Variants in CEP131 observed in about 807,000 individuals in gnomAD.
CEP131 encodes the protein centrosomal protein 131, also known as centrosomal protein of 131 kDa.
In CEP131, 99 loss-of-function variants were observed where a neutral mutation model predicts 136.8. The ratio of observed to expected loss-of-function variants is 0.72; its 90% confidence interval spans 0.62 to 0.86. The LOEUF (loss-of-function observed/expected upper bound fraction) is 0.86. CEP131 is among the 40% of genes least tolerant of loss of function. CEP131 has a pLI of 0.00. For missense variants in CEP131, 1,459 were observed against 1,463.0 expected (o/e 1.00, Z 0.04); for synonymous variants, 646 against 612.7 (o/e 1.05, Z -0.80).
Position 81,207,218 on chromosome 17 carries a change from G to T in CEP131, c.294C>A (p.Phe98Leu). The T allele has an allele frequency of 6.2e-7, 1 of 1,613,544 alleles. No homozygotes were observed. The highest frequency in any genetic ancestry group is 1.1e-5 in the South Asian group (1 of 91,068). Reference protein sequence around the residue: ...GSPRPTEPTDFLMLFEGSPSG... With the variant: ...GSPRPTEPTDLLMLFEGSPSG... ...TGGGGCTGCCCTCGAAGAGCATCAG[G>T]AAGTCTGTGGGCTCCGTTGGCCTGC... is the stretch of plus-strand genomic sequence containing the variant. Residue 98 changes from phenylalanine (F) to leucine (L), a missense_variant, in exon 4 of 26, where the codon TTC (phenylalanine) becomes TTA (leucine). This residue lies in a region of CEP131 where 187 missense variants were observed against 179.9 expected (regional missense o/e 1.04). Coordinates refer to ENST00000450824, the MANE Select transcript of CEP131 (RefSeq NM_014984.4).
At chr17:81,213,832 TG>T (rs1199131685) in intron 2 of CEP131, among the ~76,000 whole-genome samples, 2 of 152,118 alleles carry the variant, frequency 1.3e-5, no homozygotes. Flanking sequence ...CCAGACAGGA[TG>T]GGGTGAGAAG....
intron 21 of CEP131, 81 bp from the exon 22 acceptor site, chr17:81,191,416 G>C: frequency 1.5e-6 from 2 of 1,363,942 alleles, no homozygotes; most frequent in Non-Finnish European, 2.1e-6. Context: ...GGTCCTGGGG[G>C]GCTCCAGGCT....
Position 81,195,846 on chromosome 17 carries a change from G to T in CEP131, c.2005C>A (p.Gln669Lys). The change falls in exon 16 of 26, where the codon CAG (glutamine) becomes AAG (lysine). Residue 669 changes from glutamine to lysine, a missense_variant. By Grantham distance (53) the Gln-to-Lys change is moderately conservative (BLOSUM62 1). Transcript: ENST00000450824. The part of the protein sequence containing the change: ...CTERVAQAQA[Q>K]HELEIKKLKE... Reference sequence around the variant, plus strand: ...GAGCAAAGCCTCACCAGCTCGTGCTGCGCCTGTGCCTGGGCCACACGCTCG... The same window carrying T: ...GAGCAAAGCCTCACCAGCTCGTGCTTCGCCTGTGCCTGGGCCACACGCTCG... The T allele has an allele frequency of 6.2e-7, 1 of 1,604,688 alleles. No individual in the cohort carries two copies.
rs1335676904 is a variant in CEP131 at position 81,199,798 on chromosome 17, T to A, written c.944A>T (p.Asp315Val). ...GGCTGCCTCTTTCTGCTGGTGCAGGTCCAAGAGGGTCCCCTCGCCTGACCG... is the reference window on the plus strand; with the variant it reads ...GGCTGCCTCTTTCTGCTGGTGCAGGACCAAGAGGGTCCCCTCGCCTGACCG... Reference protein sequence around the residue: ...RQRSGEGTLLDLHQQKEAARR... With the variant: ...RQRSGEGTLLVLHQQKEAARR... The change falls in exon 9 of 26, where the codon GAC (aspartate) becomes GTC (valine). Residue 315 changes from aspartate to valine, a missense_variant. Transcript: ENST00000450824. 6.2e-7 allele frequency: 1 copy of A among 1,611,614 alleles called. No homozygotes were observed.
At position 81,206,736 on chromosome 17, in the gene CEP131, G is replaced by T. The variant is rs769042315; in HGVS notation, c.515+8C>A. On this transcript the variant is annotated splice_region_variant and intron_variant, in intron 5 of 25. Transcript: ENST00000450824. ...GGTGCCCGTCGTGGGCACCTGCACAGGTCGTACCTGTTGTTAGCAGTGAAG... is the reference window on the plus strand; with the variant it reads ...GGTGCCCGTCGTGGGCACCTGCACATGTCGTACCTGTTGTTAGCAGTGAAG... The T allele has an allele frequency of 1.9e-6, 3 of 1,611,352 alleles. No homozygotes were observed. Among genetic ancestry groups the T allele is most frequent in the Non-Finnish European group, 1.7e-6 (2 of 1,178,568 alleles).
In CEP131 at chr17:81,203,640, G is replaced by C. The variant is rs374005727; in HGVS notation, c.516-33C>G. 1.3e-6 allele frequency: 2 copies of C among 1,521,298 alleles called. No homozygotes were observed. The highest frequency in any genetic ancestry group is 2.7e-5 in the African/African-American group (2 of 73,028). 94.2% of individuals were successfully genotyped at this position (1,521,298 alleles called of 1,614,324 possible). A position where few individuals can be genotyped will look rare whatever the true frequency, so the allele number is the denominator to read the frequency against. ...GCCGGAAGAGAGACAGGAATGGTCA[G>C]GCCTCTGGAGGGGACGCCTGAGATC... is the stretch of plus-strand genomic sequence containing the variant. On this transcript the variant is annotated intron_variant, in intron 5 of 25. Coordinates refer to ENST00000450824, the MANE Select transcript of CEP131 (RefSeq NM_014984.4). The surrounding 1 kb of genome is among the most constrained non-coding windows in gnomAD (Gnocchi z 4.6).
intron 2 of CEP131, among the ~76,000 whole-genome samples, chr17:81,209,925 G>A (rs1478276141): frequency 9.8e-4 from 2 of 2,048 alleles, no homozygotes; most frequent in Non-Finnish European, 3.3e-3. Flanking sequence ...GGATCAGAGC[G>A]CTCGGAGAAG....
At chr17:81,195,054 G>C (rs1397030671) in intron 16 of CEP131, 82 bp from the exon 17 acceptor site, 2 of 1,052,416 alleles carry the variant, frequency 1.9e-6, no homozygotes, top group Admixed American at 1.9e-5. Context: ...GTCAGGGCCG[G>C]GCTTCCAGGT....
chr17:81,205,443 G>A (rs2061986168), intron 5 of CEP131, among the ~76,000 whole-genome samples: 1 of 66,686 alleles, frequency 1.5e-5, no homozygotes, highest in African/African-American at 7.9e-5. Context: ...GGGGGTAGGA[G>A]GGGTGGGGGG....
chr17:81,219,296 CTTT>C lies in CEP131; in HGVS notation c.177+581_177+583del, dbSNP rs11382761. ...CCCCACAGGTCAACCCCATTTCTTT[CTTT>C]TTTTTTTTTTTTTGAGATGGCATCT... On this transcript the variant is annotated intron_variant, in intron 2 of 25. Transcript: ENST00000450824. The surrounding 1 kb of genome is among the most constrained non-coding windows in gnomAD (Gnocchi z 4.0). 2.3e-5 allele frequency among the ~76,000 whole-genome samples: 3 copies of C among 131,408 alleles called. No homozygotes were observed. Among genetic ancestry groups the C allele is most frequent in the Non-Finnish European group, 3.1e-5 (2 of 63,728 alleles). 86.2% of individuals were successfully genotyped at this position (131,408 alleles called of 152,430 possible). A position where few individuals can be genotyped will look rare whatever the true frequency, so the allele number is the denominator to read the frequency against.
chr17:81,201,576 T>C (rs1319572493), intron 7 of CEP131, among the ~76,000 whole-genome samples: 1 of 152,240 alleles, frequency 6.6e-6, no homozygotes, highest in Admixed American at 6.5e-5. Flanking sequence ...TTTACTGAGG[T>C]ACAATTTCCA....
intron 5 of CEP131, among the ~76,000 whole-genome samples, chr17:81,204,892 T>G (rs950797079): frequency 1.2e-4 from 18 of 152,118 alleles, no homozygotes; most frequent in Non-Finnish European, 1.8e-4. Flanking sequence ...TTGGGTGGTG[T>G]GAATAACCTA....
intron 15 of CEP131, 64 bp downstream of exon 15, chr17:81,196,637 G>A: frequency 1.9e-6 from 3 of 1,545,074 alleles, no homozygotes. Context: ...GGAAGCCCCT[G>A]GCTCTGGAAG....
intron 7 of CEP131, 50 bp from the exon 8 acceptor site, chr17:81,200,496 G>T: frequency 7.3e-7 from 1 of 1,372,894 alleles, no homozygotes; most frequent in Non-Finnish European, 1.0e-6. Flanking sequence ...CGCCCCGGCA[G>T]GACCCAGCTG....
At chr17:81,204,983 G>A (rs112168469) in intron 5 of CEP131, among the ~76,000 whole-genome samples, 1,610 of 152,262 alleles carry the variant, frequency 0.011, 25 homozygotes, top group African/African-American at 0.033. Context: ...CTAAATGGCC[G>A]GGCGCAGTGG....
chr17:81,211,333 G>C (rs532539700), intron 2 of CEP131, among the ~76,000 whole-genome samples: 2 of 152,332 alleles, frequency 1.3e-5, no homozygotes, highest in South Asian at 4.1e-4. Context: ...GCCCCATGGA[G>C]GCCTCCATCC....
At chr17:81,210,761 A>G (rs2062114496) in intron 2 of CEP131, among the ~76,000 whole-genome samples, 1 of 150,932 alleles carries the variant, frequency 6.6e-6, no homozygotes, top group Non-Finnish European at 1.5e-5. Flanking sequence ...AAAGAGACCT[A>G]TGAACTTTCA....
At position 81,203,414 on chromosome 17, in the gene CEP131, G is replaced by T; in HGVS notation, c.629+80C>A. The T allele has an allele frequency of 8.4e-7, 1 of 1,193,968 alleles. No homozygotes were observed. The highest frequency in any genetic ancestry group is 1.2e-6 in the Non-Finnish European group (1 of 839,920). 74.0% of individuals were successfully genotyped at this position (1,193,968 alleles called of 1,614,324 possible). A position where few individuals can be genotyped will look rare whatever the true frequency, so the allele number is the denominator to read the frequency against. On this transcript the variant is annotated intron_variant, in intron 6 of 25. Transcript: ENST00000450824. The surrounding 1 kb of genome is among the most constrained non-coding windows in gnomAD (Gnocchi z 4.6). ...GAACTGACCGCGTGCCCTGACCGAGGTCGGACCCCAGGTGCACTGACTACA... is the reference window on the plus strand; with the variant it reads ...GAACTGACCGCGTGCCCTGACCGAGTTCGGACCCCAGGTGCACTGACTACA...
chr17:81,201,178 G>T (rs539493566), intron 7 of CEP131, among the ~76,000 whole-genome samples: 1 of 152,234 alleles, frequency 6.6e-6, no homozygotes, highest in Admixed American at 6.5e-5. Flanking sequence ...GCCCTAGCTC[G>T]GGAGCAGTCT....
Sources: gnomAD v4.1 joint callset for allele counts (sites outside exome capture counted in the v4.1 genomes callset) on GRCh38, gnomAD v4.1.1 for gene constraint, gnomAD v4.1.1 regional missense constraint, Gnocchi (gnomAD v3.1) non-coding constraint, MANE v1.5 for transcripts, NCBI Gene and HGNC (gene_info 2026-07-23, HGNC 2026-07-21) for gene names.